The following ADGRG2 variants were observed in gnomAD, a reference collection of about 807,000 sequenced individuals.
ADGRG2 encodes adhesion G protein-coupled receptor G2, also known as G protein-coupled receptor 64.
In ADGRG2, 26 loss-of-function variants were observed where a neutral mutation model predicts 74.1. The observed-to-expected ratio is 0.35, with a 90% CI of 0.26 to 0.49. ADGRG2 has a LOEUF of 0.49. ADGRG2 is among the 20% of genes least tolerant of loss of function. The pLI is 0.99. For missense variants in ADGRG2, 619 were observed against 763.1 expected, an observed-to-expected ratio of 0.81 and a Z score of 2.22; for synonymous variants, 296 against 295.2, an observed-to-expected ratio of 1.00 and a Z score of -0.03.
chrX:18,990,939 G>A lies in ADGRG2; in HGVS notation c.2979C>T (p.Ser993=), dbSNP rs1265945632. 14 of 1,204,167 alleles carry A rather than the reference G, an allele frequency of 1.2e-5. No homozygotes were observed. Among genetic ancestry groups the A allele is most frequent in the Non-Finnish European group, 1.6e-5 (14 of 890,105 alleles). The part of the protein sequence containing the change: ...KQHMFNEKED[S]CNGKGRMALR... ...GAGCCATACGGCCTTTCCCATTGCA[G>A]GAATCTTCCTTCTCGTTAAACATGT... Residue 993 remains serine (S), a synonymous_variant, in exon 29 of 29, where the codon TCC becomes TCT. Transcript: ENST00000379869.
At chrX:19,022,615 G>A (rs946725938) in intron 13 of ADGRG2, among the ~76,000 whole-genome samples, 10 of 112,089 alleles carry the variant, frequency 8.9e-5, no homozygotes, top group African/African-American at 2.6e-4. Context: ...ATGATAATCT[G>A]TGCAACCCCA....
chrX:19,039,469 C>T (rs1246398609), intron 4 of ADGRG2, among the ~76,000 whole-genome samples: 1 of 112,289 alleles, frequency 8.9e-6, no homozygotes, highest in African/African-American at 3.2e-5. Context: ...ACTCACTCCC[C>T]ATCATAAAAG....
chrX:18,999,823 A>G (rs1328416660), intron 25 of ADGRG2, 38 bp downstream of exon 25: 2 of 821,732 alleles, frequency 2.4e-6, no homozygotes, highest in Non-Finnish European at 3.7e-6. Context: ...TCCGTTTTCC[A>G]GTTCACTTAG....
chrX:19,002,978 A>G lies in ADGRG2; in HGVS notation c.2098T>C (p.Phe700Leu). 1 of 1,209,812 alleles carries G rather than the reference A, an allele frequency of 8.3e-7. No homozygotes were observed. ...GAGACCAAGAGAAAATAATGAAGAA[A>G]TACAGCCACTGAGATGCAGAGGCCT... ...MQGLCISVAV[F>L]LHYFLLVSFT... Residue 700 changes from phenylalanine to leucine, a missense_variant, in exon 24 of 29, where the codon TTT becomes CTT. Phe to Leu is a conservative substitution (Grantham distance 22). This residue lies in a region of ADGRG2 where 221 missense variants were observed against 340.6 expected (regional missense o/e 0.65). Coordinates refer to ENST00000379869, the MANE Select transcript of ADGRG2 (RefSeq NM_001079858.3).
At chrX:19,045,551 G>A (rs1231348920) in intron 3 of ADGRG2, among the ~76,000 whole-genome samples, 3 of 109,147 alleles carry the variant, frequency 2.7e-5, no homozygotes, top group Non-Finnish European at 3.8e-5. Flanking sequence ...CAAGTGATCC[G>A]CCTGCCTTGG....
intron 3 of ADGRG2, among the ~76,000 whole-genome samples, chrX:19,059,992 C>G (rs1191947153): frequency 9.0e-6 from 1 of 111,270 alleles, no homozygotes; most frequent in African/African-American, 3.3e-5. Context: ...ATTAGCCAGG[C>G]GTGGTGCCGC....
intron 18 of ADGRG2, among the ~76,000 whole-genome samples, chrX:19,008,789 G>A (rs1011613869): frequency 1.8e-5 from 2 of 112,336 alleles, no homozygotes; most frequent in Non-Finnish European, 3.8e-5. Context: ...CAGGGAGACT[G>A]TAGCAGCAGA....
chrX:19,114,199 G>A (rs932230127), intron 1 of ADGRG2, among the ~76,000 whole-genome samples: 12 of 110,345 alleles, frequency 1.1e-4, no homozygotes, highest in Non-Finnish European at 5.7e-5. Flanking sequence ...GCTTCACAGT[G>A]GCACTGGGGA....
intron 13 of ADGRG2, among the ~76,000 whole-genome samples, chrX:19,022,202 T>G (rs1265870767): frequency 1.2e-4 from 13 of 108,237 alleles, no homozygotes; most frequent in Non-Finnish European, 1.2e-4. Context: ...GAGGTGGAAG[T>G]TGCAGTGAGC....
intron 28 of ADGRG2, among the ~76,000 whole-genome samples, chrX:18,992,681 A>T (rs1230547432): frequency 8.9e-6 from 1 of 112,224 alleles, no homozygotes; most frequent in African/African-American, 3.2e-5. Context: ...GTTATCTGAC[A>T]TGCATATTAT....
At chrX:19,106,485 G>C (rs7053361) in intron 1 of ADGRG2, among the ~76,000 whole-genome samples, 1 of 102,505 alleles carries the variant, frequency 9.8e-6, no homozygotes, top group Non-Finnish European at 2.0e-5. Flanking sequence ...ATCTGGGATA[G>C]TGTGTGTTTG....
intron 9 of ADGRG2, among the ~76,000 whole-genome samples, chrX:19,029,989 T>C (rs2060792088): frequency 8.9e-6 from 1 of 112,147 alleles, no homozygotes; most frequent in African/African-American, 3.2e-5. Context: ...AGCAGAAAAA[T>C]GAGCAAATCT....
chrX:19,054,939 G>A (rs1426567758), intron 3 of ADGRG2, among the ~76,000 whole-genome samples: 1 of 110,986 alleles, frequency 9.0e-6, no homozygotes, highest in African/African-American at 3.3e-5. Flanking sequence ...CAGCTTCTTC[G>A]GCTCCTTGGC....
intron 3 of ADGRG2, among the ~76,000 whole-genome samples, chrX:19,049,366 T>C (rs1315313138): frequency 1.8e-5 from 2 of 110,789 alleles, no homozygotes; most frequent in Non-Finnish European, 3.8e-5. Context: ...GTCTCCTTAA[T>C]ATTTTCTTCC....
chrX:19,073,365 A>G (rs752051264), intron 2 of ADGRG2, among the ~76,000 whole-genome samples: 3 of 111,521 alleles, frequency 2.7e-5, no homozygotes, highest in South Asian at 7.6e-4. Flanking sequence ...TACAGAGAAA[A>G]CTATTTGGTA....
chrX:19,101,750 T>C (rs1295243881), intron 1 of ADGRG2, among the ~76,000 whole-genome samples: 2 of 110,301 alleles, frequency 1.8e-5, no homozygotes, highest in Non-Finnish European at 3.8e-5. Flanking sequence ...TTCAGGATAG[T>C]GCTTACCTTT....
At chrX:18,995,116 A>C in intron 27 of ADGRG2, 68 bp from the exon 28 acceptor site, 24 of 815,975 alleles carry the variant, frequency 2.9e-5, no homozygotes, top group Non-Finnish European at 4.0e-5. Flanking sequence ...GAGACAGATC[A>C]CAGTGTAACA....
rs750655152 is a variant in ADGRG2, at chrX:19,053,616, C to T, written c.119-13392G>A. Among the ~76,000 whole-genome samples, 5 of 111,675 alleles carry T rather than the reference C, an allele frequency of 4.5e-5. No individual in the cohort carries two copies. The South Asian group carries it at 1.1e-3, about 25-fold the overall frequency. On this transcript the variant is annotated intron_variant, in intron 3 of 28. Transcript: ENST00000379869. ...CAGTTTCCCAGGTGAAAAACAGGCA[C>T]GAAGATAAGTGTAACAGGACATACT...
intron 3 of ADGRG2, among the ~76,000 whole-genome samples, chrX:19,041,845 G>A (rs1409745706): frequency 8.9e-6 from 1 of 111,988 alleles, no homozygotes. Context: ...GTCTCACTCT[G>A]TTGCCCAGGC....
Sources: gnomAD v4.1 joint callset for allele counts (sites outside exome capture counted in the v4.1 genomes callset) on GRCh38, gnomAD v4.1.1 for gene constraint, gnomAD v4.1.1 regional missense constraint, MANE v1.5 for transcripts, NCBI Gene and HGNC (gene_info 2026-07-23, HGNC 2026-07-21) for gene names.